Variants in ADCK1 observed in about 807,000 individuals in gnomAD.
ADCK1 encodes the protein aarF domain containing kinase 1.
Under a neutral mutation model 52.3 loss-of-function variants are expected in ADCK1, and 41 were observed. That is an observed-to-expected ratio of 0.78 (90% CI 0.61 to 1.02). ADCK1 has a LOEUF of 1.02. ADCK1 is among the 50% of genes least tolerant of loss of function. ADCK1 has a pLI of 0.00. For synonymous variants in ADCK1, 250 were observed against 274.6 expected, an observed-to-expected ratio of 0.91 and a Z score of 0.89; for missense variants, 658 against 679.5, an observed-to-expected ratio of 0.97 and a Z score of 0.35.
At chr14:77,912,821 A>G (rs534164749) in intron 7 of ADCK1, among the ~76,000 whole-genome samples, 65 of 152,252 alleles carry the variant, frequency 4.3e-4, no homozygotes, top group Non-Finnish European at 7.9e-4. Flanking sequence ...CGCTTTGAAG[A>G]GGCCTCCTCA....
chr14:77,835,975 G>T (rs1173362834), intron 3 of ADCK1, among the ~76,000 whole-genome samples: 3 of 152,188 alleles, frequency 2.0e-5, no homozygotes, highest in Admixed American at 1.3e-4. Context: ...CTACTAATGG[G>T]TATCTCCAAG....
At chr14:77,876,242 G>T (rs1374031334) in intron 4 of ADCK1, among the ~76,000 whole-genome samples, 2 of 152,266 alleles carry the variant, frequency 1.3e-5, no homozygotes, top group East Asian at 3.9e-4. Flanking sequence ...GAAGCCACCT[G>T]CCTCCCTTGG....
intron 5 of ADCK1, among the ~76,000 whole-genome samples, chr14:77,888,840 T>G (rs2083219249): frequency 6.6e-6 from 1 of 152,186 alleles, no homozygotes; most frequent in Non-Finnish European, 1.5e-5. Context: ...AATCCTCAGA[T>G]AGTGCCCAAC....
At chr14:77,879,623 G>T (rs549758150) in intron 4 of ADCK1, among the ~76,000 whole-genome samples, 3 of 152,334 alleles carry the variant, frequency 2.0e-5, no homozygotes, top group South Asian at 4.1e-4. Flanking sequence ...TAGGAAGCTG[G>T]TGTAGTGACT....
At chr14:77,822,327 T>A in intron 2 of ADCK1, 108 bp from the exon 3 acceptor site, 2 of 854,590 alleles carry the variant, frequency 2.3e-6, no homozygotes, top group Non-Finnish European at 4.0e-6. Flanking sequence ...GACTGGCCAC[T>A]CCCCCAGACA....
chr14:77,928,515 G>A (rs764538091), intron 9 of ADCK1, among the ~76,000 whole-genome samples: 4 of 150,758 alleles, frequency 2.7e-5, no homozygotes, highest in Admixed American at 6.6e-5. Flanking sequence ...AGGCTGGAGT[G>A]CAGTGGCACA....
At chr14:77,912,592 CCTGG>C (rs1378508094) in intron 7 of ADCK1, among the ~76,000 whole-genome samples, 1 of 151,930 alleles carries the variant, frequency 6.6e-6, no homozygotes, top group African/African-American at 2.4e-5. Flanking sequence ...CTGAGGGCAG[CCTGG>C]CTGTGAGCAT....
chr14:77,903,176 T>C (rs1023899224), intron 6 of ADCK1, among the ~76,000 whole-genome samples: 1 of 152,254 alleles, frequency 6.6e-6, no homozygotes, highest in Non-Finnish European at 1.5e-5. Context: ...TTTGACCTGC[T>C]GTTTCCAAAA....
At chr14:77,898,977 G>C in intron 5 of ADCK1, 123 bp from the exon 6 acceptor site, 1 of 1,301,662 alleles carries the variant, frequency 7.7e-7, no homozygotes, top group East Asian at 2.3e-5. Context: ...CTGGAATTCA[G>C]AGGAGGGATG....
chr14:77,888,784 C>A (rs1363528890), intron 5 of ADCK1, among the ~76,000 whole-genome samples: 2 of 152,094 alleles, frequency 1.3e-5, no homozygotes, highest in South Asian at 2.1e-4. Flanking sequence ...ATAGTAGTTC[C>A]CCCTTATCTG....
At chr14:77,902,761 A>G (rs1595059742) in intron 6 of ADCK1, 1 of 152,226 alleles carries the variant, frequency 6.6e-6, no homozygotes, top group Non-Finnish European at 1.5e-5. Context: ...GAGTGCTTCT[A>G]AGAAGTATTG....
chr14:77,903,400 T>A (rs2140247501), intron 6 of ADCK1, among the ~76,000 whole-genome samples: 1 of 152,370 alleles, frequency 6.6e-6, no homozygotes, highest in South Asian at 2.1e-4. Context: ...GTGTGAGGCA[T>A]CTTCCGGTGC....
At position 77,822,523 on chromosome 14, in the gene ADCK1, G is replaced by C. The variant is rs1356272003; in HGVS notation, c.219+5G>C. The stretch of plus-strand genomic sequence containing the variant: ...TACTTGCAGCTGAGATCTAAGGTAA[G>C]TAACCCATGGGACCCATCTGAGCCA... On this transcript the variant is annotated splice_donor_5th_base_variant and intron_variant, in intron 3 of 10. Transcript: ENST00000238561. 5 of 1,610,922 alleles carry C rather than the reference G, an allele frequency of 3.1e-6. No homozygotes were observed. The highest frequency in any genetic ancestry group is 3.4e-6 in the Non-Finnish European group (4 of 1,177,054).
At chr14:77,885,470 A>T (rs567935551) in intron 4 of ADCK1, among the ~76,000 whole-genome samples, 1 of 152,178 alleles carries the variant, frequency 6.6e-6, no homozygotes, top group African/African-American at 2.4e-5. Context: ...CAGGTTGTTG[A>T]TAAATGGGGA....
chr14:77,826,780 G>A (rs765730014), intron 3 of ADCK1, among the ~76,000 whole-genome samples: 1 of 152,104 alleles, frequency 6.6e-6, no homozygotes, highest in African/African-American at 2.4e-5. Context: ...CTGGGGAGCC[G>A]CTGTATTGAT....
intron 4 of ADCK1, among the ~76,000 whole-genome samples, chr14:77,886,837 G>T (rs2083158327): frequency 1.3e-5 from 2 of 152,030 alleles, no homozygotes; most frequent in African/African-American, 4.8e-5. Flanking sequence ...AACCTGGGGG[G>T]CGGAGGCTGC....
At chr14:77,890,299 G>A (rs992204527) in intron 5 of ADCK1, among the ~76,000 whole-genome samples, 4 of 152,148 alleles carry the variant, frequency 2.6e-5, no homozygotes, top group African/African-American at 9.7e-5. Context: ...GCTTAACTGG[G>A]GCTGTGGGCC....
chr14:77,812,278 C>T (rs113436040), intron 1 of ADCK1, among the ~76,000 whole-genome samples: 3 of 152,296 alleles, frequency 2.0e-5, no homozygotes, highest in South Asian at 2.1e-4. Context: ...TGACCAATAT[C>T]GCCTAATTTC....
intron 2 of ADCK1, among the ~76,000 whole-genome samples, chr14:77,819,361 A>G (rs1356156253): frequency 6.6e-6 from 1 of 152,216 alleles, no homozygotes; most frequent in African/African-American, 2.4e-5. Flanking sequence ...CTGAGGTAAC[A>G]TAGAATGGGA....
Sources: allele counts gnomAD v4.1 joint callset (sites outside exome capture counted in the v4.1 genomes callset), GRCh38; gene constraint gnomAD v4.1.1; transcripts MANE v1.5; gene names NCBI Gene and HGNC (gene_info 2026-07-23, HGNC 2026-07-21).